Variants in ZNF93 observed in about 807,000 individuals in gnomAD.
ZNF93 encodes zinc finger protein 505.
ZNF93 carries 29 observed loss-of-function variants against 45.0 expected under a neutral mutation model. The ratio of observed to expected loss-of-function variants is 0.64; its 90% CI spans 0.48 to 0.88. The LOEUF (loss-of-function observed/expected upper bound fraction) is 0.88, where lower values mean the gene tolerates loss of function less well. ZNF93 is among the 40% of genes least tolerant of loss of function. ZNF93 has a pLI of 0.00. For synonymous variants in ZNF93, 223 were observed against 244.6 expected (o/e 0.91, Z 0.82); for missense variants, 578 against 724.0 (o/e 0.80, Z 2.31).
At chr19:19,908,869 A>AG (rs71172546) in intron 1 of ZNF93, 28 of 148,804 alleles carry the variant, frequency 1.9e-4, no homozygotes, top group Non-Finnish European at 2.4e-4. Context: ...AAAAAAAAAA[A>AG]TCTTGCTCAG....
intron 3 of ZNF93, among the ~76,000 whole-genome samples, chr19:19,931,164 T>C (rs1354905590): frequency 6.7e-6 from 1 of 149,444 alleles, no homozygotes; most frequent in African/African-American, 2.4e-5. Context: ...TATATATTTA[T>C]ATTTGTATTT....
At chr19:19,918,735 C>CATG (rs1568509921) in intron 3 of ZNF93, among the ~76,000 whole-genome samples, 1 of 152,142 alleles carries the variant, frequency 6.6e-6, no homozygotes, top group African/African-American at 2.4e-5. Context: ...TGTCTTTTGG[C>CATG]TGTATAAATG....
intron 1 of ZNF93, among the ~76,000 whole-genome samples, chr19:19,912,088 T>C (rs953946960): frequency 7.2e-5 from 11 of 152,186 alleles, no homozygotes; most frequent in Admixed American, 4.6e-4. Flanking sequence ...ACTGTAGATA[T>C]TTATTTTCTA....
intron 1 of ZNF93, among the ~76,000 whole-genome samples, chr19:19,913,759 C>T (rs761778038): frequency 6.6e-6 from 1 of 151,982 alleles, no homozygotes; most frequent in Non-Finnish European, 1.5e-5. Flanking sequence ...GCATATTCTC[C>T]AGATGCAGGT....
intron 3 of ZNF93, among the ~76,000 whole-genome samples, chr19:19,917,651 C>T (rs1441830802): frequency 1.3e-5 from 2 of 151,850 alleles, no homozygotes; most frequent in East Asian, 1.9e-4. Flanking sequence ...TGCAGTGGCA[C>T]GATCTCAGCT....
chr19:19,914,288 A>T (rs757941268), intron 1 of ZNF93, among the ~76,000 whole-genome samples: 26 of 152,234 alleles, frequency 1.7e-4, no homozygotes, highest in Non-Finnish European at 3.2e-4. Context: ...TTTATTACCC[A>T]GAATGTTCTG....
intron 1 of ZNF93, among the ~76,000 whole-genome samples, chr19:19,904,754 C>T (rs1009458011): frequency 3.9e-5 from 6 of 152,034 alleles, no homozygotes; most frequent in African/African-American, 1.4e-4. Context: ...TCACGCTGCC[C>T]ATTGTCCTGA....
Position 19,934,956 on chromosome 19 carries a change from G to C in ZNF93, c.*138G>C, listed in dbSNP as rs2063388689. The C allele has an allele frequency of 1.0e-6, 1 of 977,376 alleles. No individual in the cohort carries two copies. Among genetic ancestry groups the C allele is most frequent in the African/African-American group, 1.6e-5 (1 of 60,820 alleles). The allele number at this position is 977,376 out of a possible 1,614,324, so 60.5% of individuals were successfully genotyped here. A position where few individuals can be genotyped will look rare whatever the true frequency, so the allele number is the denominator to read the frequency against. On this transcript the variant is annotated 3_prime_UTR_variant, in exon 4 of 4. Transcript: ENST00000343769. Reference sequence around the variant, plus strand: ...GAGGTCCTGCCATTTCGGAGACCTGGAGGAAGTGGCCCATTTACAGCCATG... The same window carrying C: ...GAGGTCCTGCCATTTCGGAGACCTGCAGGAAGTGGCCCATTTACAGCCATG...
At chr19:19,918,933 T>TG (rs1403582355) in intron 3 of ZNF93, among the ~76,000 whole-genome samples, 2 of 152,058 alleles carry the variant, frequency 1.3e-5, no homozygotes, top group African/African-American at 4.8e-5. Context: ...GTTTTTTTTT[T>TG]GCTGTGCAGA....
chr19:19,934,952 C>A lies in ZNF93; in HGVS notation c.*134C>A. The stretch of plus-strand genomic sequence containing the variant: ...GGCAGAGGTCCTGCCATTTCGGAGA[C>A]CTGGAGGAAGTGGCCCATTTACAGC... On this transcript the variant is annotated 3_prime_UTR_variant, in exon 4 of 4. Coordinates refer to ENST00000343769, the MANE Select transcript of ZNF93 (RefSeq NM_031218.4). The A allele has an allele frequency of 2.9e-6, 3 of 1,028,334 alleles. No homozygotes were observed. Among genetic ancestry groups the A allele is most frequent in the Non-Finnish European group, 4.1e-6 (3 of 726,260 alleles). 63.7% of individuals were successfully genotyped at this position (1,028,334 alleles called of 1,614,324 possible). A position where few individuals can be genotyped will look rare whatever the true frequency, so the allele number is the denominator to read the frequency against.
intron 1 of ZNF93, among the ~76,000 whole-genome samples, chr19:19,911,985 G>A (rs780436096): frequency 2.0e-5 from 3 of 151,942 alleles, no homozygotes; most frequent in Non-Finnish European, 4.4e-5. Context: ...GCTTGACCTC[G>A]TTCTGCACCC....
intron 1 of ZNF93, among the ~76,000 whole-genome samples, chr19:19,911,715 C>T (rs555419675): frequency 2.6e-5 from 4 of 152,116 alleles, no homozygotes; most frequent in South Asian, 2.1e-4. Flanking sequence ...GATGTCTACA[C>T]CTGAAGGGAG....
Position 19,933,189 on chromosome 19 carries a change from T to C in ZNF93, c.234T>C (p.Cys78=). 1 of 1,529,432 alleles carries C rather than the reference T, an allele frequency of 6.5e-7. No homozygotes were observed. The highest frequency in any genetic ancestry group is 8.8e-7 in the Non-Finnish European group (1 of 1,139,050). 94.7% of individuals were successfully genotyped at this position (1,529,432 alleles called of 1,614,324 possible). Residue 78 remains cysteine, a synonymous_variant, in exon 4 of 4, where the codon TGT becomes TGC. Coordinates refer to ENST00000343769, the MANE Select transcript of ZNF93 (RefSeq NM_031218.4). ...TTTTATTGTTTCTTTCAGTTATATG[T>C]TCTCATTTTGCCCAAGATCTTTGGC... ...HEMVANPSVI[C]SHFAQDLWPE...
At chr19:19,929,573 T>C (rs1478608785) in intron 3 of ZNF93, among the ~76,000 whole-genome samples, 1 of 152,176 alleles carries the variant, frequency 6.6e-6, no homozygotes, top group Non-Finnish European at 1.5e-5. Flanking sequence ...CTAAATCAAC[T>C]CACTTTACCA....
chr19:19,905,814 A>G (rs1439183096), intron 1 of ZNF93, among the ~76,000 whole-genome samples: 2 of 151,852 alleles, frequency 1.3e-5, no homozygotes, highest in African/African-American at 2.4e-5. Flanking sequence ...CTGGTCTCAA[A>G]CTTCTGAGCT....
intron 3 of ZNF93, among the ~76,000 whole-genome samples, chr19:19,928,057 T>A (rs184350206): frequency 2.5e-4 from 38 of 152,352 alleles, no homozygotes; most frequent in African/African-American, 8.7e-4. Flanking sequence ...TGTGTTAACA[T>A]GTTTTGGATA....
chr19:19,906,106 ACTG>A (rs2063292183), intron 1 of ZNF93, among the ~76,000 whole-genome samples: 1 of 152,188 alleles, frequency 6.6e-6, no homozygotes, highest in Non-Finnish European at 1.5e-5. Context: ...GAATCGCCAC[ACTG>A]CTTTTTACAG....
intron 1 of ZNF93, among the ~76,000 whole-genome samples, chr19:19,913,527 G>A (rs1277554794): frequency 6.6e-6 from 1 of 152,188 alleles, no homozygotes; most frequent in Non-Finnish European, 1.5e-5. Flanking sequence ...GGACAGGTAA[G>A]TGTGGTGCAT....
At position 19,934,872 on chromosome 19, in the gene ZNF93, CTG is replaced by C; in HGVS notation, c.*55_*56del. 1.3e-6 allele frequency: 2 copies of C among 1,525,618 alleles called. No homozygotes were observed. Among genetic ancestry groups the C allele is most frequent in the Non-Finnish European group, 1.8e-6 (2 of 1,131,026 alleles). 94.5% of individuals were successfully genotyped at this position (1,525,618 alleles called of 1,614,324 possible). On this transcript the variant is annotated 3_prime_UTR_variant, in exon 4 of 4. Transcript: ENST00000343769. ...AGTGGTCCTCACACCTTACTATACACTGAGAGTTCTGAACTTACTCTGTAACC... is the reference window on the plus strand; with the variant it reads ...AGTGGTCCTCACACCTTACTATACACAGAGTTCTGAACTTACTCTGTAACC...
Sources: allele counts gnomAD v4.1 joint callset (sites outside exome capture counted in the v4.1 genomes callset), GRCh38; gene constraint gnomAD v4.1.1; transcripts MANE v1.5; gene names NCBI Gene and HGNC (gene_info 2026-07-23, HGNC 2026-07-21).